EIF3CL: variants seen among roughly 807,000 people sequenced by gnomAD.
EIF3CL encodes the protein eukaryotic translation initiation factor 3 subunit C like.
For synonymous variants in EIF3CL, 2 were observed against 19.6 expected (o/e 0.10, Z 2.37); for missense variants, 5 against 56.1 (o/e 0.09, Z 2.91).
the EIF3CL span, among the ~76,000 whole-genome samples, chr16:28,417,845 TC>T: frequency 8.7e-6 from 1 of 114,370 alleles, no homozygotes; most frequent in Non-Finnish European, 1.9e-5. Context: ...AAAAAAAAAC[TC>T]AAATAAAGTT....
At chr16:28,416,100 G>A in the EIF3CL span, among the ~76,000 whole-genome samples, 1 of 19,942 alleles carries the variant, frequency 5.0e-5, no homozygotes, top group East Asian at 1.1e-3. Context: ...CGCCAACCTC[G>A]GCCTCCCGAG....
At chr16:28,393,027 GCA>G (rs1263517278) in intron 8 of EIF3CL, among the ~76,000 whole-genome samples, 1 of 116,978 alleles carries the variant, frequency 8.5e-6, no homozygotes, top group Admixed American at 9.2e-5. Flanking sequence ...TTCAAACTTT[GCA>G]CAGATACTGA....
chr16:28,415,026 C>G, the EIF3CL span: 1 of 432,534 alleles, frequency 2.3e-6, no homozygotes. Context: ...TGACCCACCC[C>G]AGCTGCAGCT....
At chr16:28,391,887 C>T in intron 9 of EIF3CL, 32 bp from the exon 10 acceptor site, 1 of 1,436,552 alleles carries the variant, frequency 7.0e-7, no homozygotes, top group Non-Finnish European at 9.4e-7. Flanking sequence ...CATGTACATG[C>T]CAGCGGGAAA....
At chr16:28,417,827 TAA>T in the EIF3CL span, among the ~76,000 whole-genome samples, 14,186 of 100,118 alleles carry the variant, frequency 0.14, 94 homozygotes, top group Non-Finnish European at 0.19. Flanking sequence ...AAAATAAATT[TAA>T]AAAAAAAAAA....
the EIF3CL span, among the ~76,000 whole-genome samples, chr16:28,421,599 C>T: frequency 4.2e-5 from 1 of 23,840 alleles, no homozygotes; most frequent in Non-Finnish European, 8.9e-5. Context: ...AGGTGGATCA[C>T]TCGAGGCCAG....
the EIF3CL span, chr16:28,414,086 C>A: frequency 1.9e-6 from 1 of 539,252 alleles, no homozygotes; most frequent in African/African-American, 2.0e-5. Context: ...TGACCTGGAA[C>A]GTGGACACGC....
the EIF3CL span, among the ~76,000 whole-genome samples, chr16:28,416,753 G>C: frequency 1.2e-5 from 1 of 86,428 alleles, no homozygotes; most frequent in African/African-American, 4.0e-5. Flanking sequence ...CGGGAGGGAG[G>C]TGGGGGGGGT....
the EIF3CL span, among the ~76,000 whole-genome samples, chr16:28,416,717 C>A: frequency 3.4e-5 from 4 of 119,140 alleles, no homozygotes; most frequent in African/African-American, 6.1e-5. Context: ...AAGTGAGGAG[C>A]GTCTCCGCCC....
the EIF3CL span, among the ~76,000 whole-genome samples, chr16:28,418,332 A>G: frequency 0.057 from 4,370 of 76,478 alleles, 5 homozygotes; most frequent in South Asian, 0.14. Flanking sequence ...GCTAATTTTC[A>G]TATTTTTAGT....
At chr16:28,412,279 T>G in the EIF3CL span, among the ~76,000 whole-genome samples, 3 of 15,636 alleles carry the variant, frequency 1.9e-4, 1 homozygote, top group East Asian at 3.4e-3. Context: ...TTTTTTTTTT[T>G]TTTTTTTTTT....
chr16:28,419,117 C>T, the EIF3CL span, among the ~76,000 whole-genome samples: 2 of 146,392 alleles, frequency 1.4e-5, no homozygotes, highest in South Asian at 4.2e-4. Context: ...CGCCATTCTC[C>T]TGCCTCAGCC....
At chr16:28,417,241 G>C in the EIF3CL span, among the ~76,000 whole-genome samples, 1 of 149,634 alleles carries the variant, frequency 6.7e-6, no homozygotes, top group East Asian at 2.0e-4. Context: ...GGGAAGTGAG[G>C]GGCGCCTCTG....
the EIF3CL span, among the ~76,000 whole-genome samples, chr16:28,419,239 C>A: frequency 6.6e-6 from 1 of 151,012 alleles, no homozygotes; most frequent in Admixed American, 6.6e-5. Flanking sequence ...ATCTCCTGAC[C>A]TCGTGATCCG....
At chr16:28,417,853 A>G in the EIF3CL span, among the ~76,000 whole-genome samples, 2 of 145,854 alleles carry the variant, frequency 1.4e-5, no homozygotes, top group Non-Finnish European at 3.0e-5. Flanking sequence ...ACTCAAATAA[A>G]GTTTGCACTT....
chr16:28,416,727 C>T, the EIF3CL span, among the ~76,000 whole-genome samples: 3 of 117,638 alleles, frequency 2.6e-5, no homozygotes, highest in African/African-American at 6.1e-5. Context: ...CGTCTCCGCC[C>T]GGCAGCCACC....
chr16:28,415,577 C>T, the EIF3CL span, among the ~76,000 whole-genome samples: 1 of 127,404 alleles, frequency 7.8e-6, no homozygotes, highest in Admixed American at 8.5e-5. Flanking sequence ...TGGTGAAACC[C>T]CATCTCTACT....
At chr16:28,419,298 G>T in the EIF3CL span, among the ~76,000 whole-genome samples, 1 of 150,628 alleles carries the variant, frequency 6.6e-6, no homozygotes, top group East Asian at 1.9e-4. Context: ...AAGCCAGTGC[G>T]CCCAGCCCTC....
chr16:28,385,370 T>C (rs2045595353), intron 15 of EIF3CL, among the ~76,000 whole-genome samples: 1 of 126,204 alleles, frequency 7.9e-6, no homozygotes, highest in Non-Finnish European at 1.8e-5. Context: ...TCTTGCTCTG[T>C]TGCCCAGGCT....
Sources: gnomAD v4.1 joint callset for allele counts (sites outside exome capture counted in the v4.1 genomes callset) on GRCh38, gnomAD v4.1.1 for gene constraint, MANE v1.5 for transcripts, NCBI Gene and HGNC (gene_info 2026-07-23, HGNC 2026-07-21) for gene names.